The following PALB2 variants were observed in gnomAD, a reference collection of about 807,000 sequenced individuals.
The protein encoded by PALB2 is partner and localizer of BRCA2, also known as mutant partner and localizer of BRCA2.
PALB2 carries 82 observed loss-of-function variants against 107.4 expected under a neutral mutation model. That is an observed-to-expected ratio of 0.76 (90% confidence interval 0.64 to 0.92). The LOEUF (loss-of-function observed/expected upper bound fraction) is 0.92. Ranked by LOEUF, PALB2 falls within the 40% of genes least tolerant of loss-of-function variation. PALB2 has a pLI of 0.00. For missense variants in PALB2, 1,374 were observed against 1,379.9 expected, an observed-to-expected ratio of 1.00 and a Z score of 0.07; for synonymous variants, 489 against 496.8, an observed-to-expected ratio of 0.98 and a Z score of 0.21.
At chr16:23,620,900 C>T (rs1050521857) in intron 10 of PALB2, among the ~76,000 whole-genome samples, 1 of 152,092 alleles carries the variant, frequency 6.6e-6, no homozygotes, top group Non-Finnish European at 1.5e-5. Context: ...TGGCAAAATC[C>T]CTTCTCTACT....
At chr16:23,617,661 T>A (rs573211021) in intron 10 of PALB2, 1 of 152,120 alleles carries the variant, frequency 6.6e-6, no homozygotes, top group Non-Finnish European at 1.5e-5. Flanking sequence ...GGAGGACTGC[T>A]TGAGCCTGAG....
At position 23,623,110 on chromosome 16, in the gene PALB2, T is replaced by A. The variant is rs373280855; in HGVS notation, c.2855A>T (p.Asp952Val). The change falls in exon 9 of 13, where the codon GAT (aspartate) becomes GTT (valine). Residue 952 changes from aspartate (D) to valine (V), a missense_variant. Asp to Val is a radical substitution (Grantham distance 152). Transcript: ENST00000261584. The stretch of plus-strand genomic sequence containing the variant: ...TAGTACTTGCTTTTCACTTTCATCA[T>A]CAGAGGAACAAAACAATGCCCTAAG... The part of the protein sequence containing the change: ...REIRALFCSS[D>V]DESEKQVLLK... 6.2e-7 allele frequency: 1 copy of A among 1,613,560 alleles called. No individual in the cohort carries two copies. Among genetic ancestry groups the A allele is most frequent in the African/African-American group, 1.3e-5 (1 of 74,774 alleles).
Position 23,641,120 on chromosome 16 carries a change from T to A in PALB2, c.38A>T (p.Glu13Val), listed in dbSNP as rs876658288. The A allele has an allele frequency of 6.2e-7, 1 of 1,613,446 alleles. No individual in the cohort carries two copies. Among genetic ancestry groups the A allele is most frequent in the African/African-American group, 1.3e-5 (1 of 74,984 alleles). The change falls in exon 1 of 13, where the codon GAG (glutamate) becomes GTG (valine). Residue 13 changes from glutamate (E) to valine (V), a missense_variant. Glu to Val is a moderately radical substitution (Grantham distance 121). Transcript: ENST00000261584. Reference sequence around the variant, plus strand: ...CCGCACCCCCGGCACCTTTTCCTTCTCCTCACAGCTGAGGGGCTTCCCGGG... The same window carrying A: ...CCGCACCCCCGGCACCTTTTCCTTCACCTCACAGCTGAGGGGCTTCCCGGG... ...EPPGKPLSCE[E>V]KEKLKEKLAF... is the part of the protein sequence containing the mutation.
intron 1 of PALB2, among the ~76,000 whole-genome samples, chr16:23,639,291 G>C (rs1359993208): frequency 6.6e-6 from 1 of 152,106 alleles, no homozygotes; most frequent in African/African-American, 2.4e-5. Flanking sequence ...CCAACACTTG[G>C]GGAAGCTGAG....
At chr16:23,619,818 C>T (rs544042100) in intron 10 of PALB2, among the ~76,000 whole-genome samples, 15 of 151,984 alleles carry the variant, frequency 9.9e-5, no homozygotes, top group Non-Finnish European at 1.8e-4. Context: ...CTTGCTCTGT[C>T]GCCCAGGCTG....
At chr16:23,625,293 A>C (rs143397769) in intron 7 of PALB2, among the ~76,000 whole-genome samples, 4 of 152,170 alleles carry the variant, frequency 2.6e-5, no homozygotes, top group Non-Finnish European at 5.9e-5. Flanking sequence ...AGATCGCCCC[A>C]CTGCACTCCA....
intron 1 of PALB2, among the ~76,000 whole-genome samples, chr16:23,639,689 G>A (rs1015874339): frequency 6.6e-6 from 1 of 151,380 alleles, no homozygotes; most frequent in African/African-American, 2.4e-5. Flanking sequence ...GCGTGGTGTT[G>A]GGCGTCTGTA....
intron 12 of PALB2, among the ~76,000 whole-genome samples, chr16:23,606,692 AT>A (rs1185253858): frequency 6.6e-6 from 1 of 151,474 alleles, no homozygotes; most frequent in African/African-American, 2.4e-5. Flanking sequence ...TGCCCAGCTA[AT>A]TTTTGTATGT....
rs730881900 is a variant in PALB2, at chr16:23,637,853, A to C, written c.208T>G (p.Ser70Ala). The change falls in exon 3 of 13, where the codon TCA becomes GCA. Residue 70 changes from serine (S) to alanine (A), a missense_variant. Physicochemically the swap from Ser to Ala is moderately conservative, Grantham distance 99 (BLOSUM62 1). Coordinates refer to ENST00000261584, the MANE Select transcript of PALB2 (RefSeq NM_024675.4). ...TAAGTGAATGGTCTAGATTTACCTG[A>C]GTGTTTTAGCTGCGGTGAGAGATCC... ...QQDLSPQLKHSEPKNKICVYD... is the reference protein window; with the variant it reads ...QQDLSPQLKHAEPKNKICVYD... 1.2e-6 allele frequency: 2 copies of C among 1,607,730 alleles called. No homozygotes were observed.
At chr16:23,627,292 C>T (rs563828753) in intron 6 of PALB2, among the ~76,000 whole-genome samples, 2 of 151,530 alleles carry the variant, frequency 1.3e-5, no homozygotes, top group Non-Finnish European at 2.9e-5. Flanking sequence ...TCGAGACCAT[C>T]CTGGCTAACA....
intron 1 of PALB2, chr16:23,640,492 A>C (rs1265001035): frequency 4.6e-6 from 1 of 216,486 alleles, no homozygotes; most frequent in Non-Finnish European, 9.3e-6. Context: ...TGGCAGAGTG[A>C]GACTCTGTCT....
chr16:23,632,039 A>G (rs377369809), intron 4 of PALB2, among the ~76,000 whole-genome samples: 72 of 152,322 alleles, frequency 4.7e-4, no homozygotes, highest in Middle Eastern at 3.4e-3. Context: ...TATATCCTCA[A>G]TGATGAATGC....
chr16:23,604,211 C>G (rs1211200901), intron 12 of PALB2, among the ~76,000 whole-genome samples: 1 of 152,200 alleles, frequency 6.6e-6, no homozygotes, highest in East Asian at 1.9e-4. Context: ...ATTTCCCCCA[C>G]AAAAGATGCC....
intron 4 of PALB2, among the ~76,000 whole-genome samples, chr16:23,634,597 C>T (rs147434838): frequency 1.6e-4 from 25 of 152,164 alleles, no homozygotes; most frequent in African/African-American, 5.8e-4. Flanking sequence ...GGCTGCACCA[C>T]GGCACTCCAG....
intron 3 of PALB2, 68 bp from the exon 4 acceptor site, chr16:23,636,402 TA>T: frequency 9.8e-7 from 1 of 1,023,924 alleles, no homozygotes; most frequent in Non-Finnish European, 1.4e-6. Flanking sequence ...TACTCATTTT[TA>T]ACCTATTATA....
intron 3 of PALB2, among the ~76,000 whole-genome samples, chr16:23,636,954 T>TA (rs1405355192): frequency 2.6e-5 from 4 of 152,002 alleles, no homozygotes; most frequent in South Asian, 2.1e-4. Flanking sequence ...CTTACATTTT[T>TA]AAAAAAAACC....
At chr16:23,634,330 GAGTT>G (rs1331964294) in intron 4 of PALB2, among the ~76,000 whole-genome samples, 1 of 152,188 alleles carries the variant, frequency 6.6e-6, no homozygotes, top group African/African-American at 2.4e-5. Flanking sequence ...ATGATTCAAT[GAGTT>G]AGTATCTGTA....
At position 23,635,551 on chromosome 16, in the gene PALB2, A is replaced by G. The variant is rs377149139; in HGVS notation, c.995T>C (p.Leu332Pro). Reference protein sequence around the residue: ...EANISCSLNELTYNNLPANEN... With the variant: ...EANISCSLNEPTYNNLPANEN... ...ATTTGCTGGTAAGTTATTGTAGGTG[A>G]GTTCATTTAGAGAACATGAAATATT... Residue 332 changes from leucine to proline, a missense_variant, in exon 4 of 13, where the codon CTC (leucine) becomes CCC (proline). Leu to Pro is a moderately conservative substitution (Grantham distance 98). Coordinates refer to ENST00000261584, the MANE Select transcript of PALB2 (RefSeq NM_024675.4). The G allele has an allele frequency of 3.1e-6, 5 of 1,613,086 alleles. No homozygotes were observed. In the Admixed American group the frequency reaches 6.7e-5, roughly 22 times the overall value.
At chr16:23,605,116 T>C (rs1337811103) in intron 12 of PALB2, among the ~76,000 whole-genome samples, 1 of 152,166 alleles carries the variant, frequency 6.6e-6, no homozygotes, top group Non-Finnish European at 1.5e-5. Context: ...GCTGTATCAC[T>C]GGTGCCTGAG....
Sources: gnomAD v4.1 joint callset for allele counts (sites outside exome capture counted in the v4.1 genomes callset) on GRCh38, gnomAD v4.1.1 for gene constraint, MANE v1.5 for transcripts, NCBI Gene and HGNC (gene_info 2026-07-23, HGNC 2026-07-21) for gene names.